CCDC138: variants seen among roughly 807,000 people sequenced by gnomAD.
CCDC138 encodes coiled-coil domain containing 138, also known as coiled-coil domain-containing protein 138.
CCDC138 carries 66 observed loss-of-function variants against 82.3 expected under a neutral mutation model. That is an observed-to-expected ratio of 0.80 (90% CI 0.66 to 0.98). The LOEUF (loss-of-function observed/expected upper bound fraction) is 0.98. Ranked by LOEUF, CCDC138 falls within the 50% of genes least tolerant of loss-of-function variation. The probability of loss-of-function intolerance (pLI) is 0.00; values close to 1 mark genes in which losing one functional copy is unlikely to be tolerated. For synonymous variants in CCDC138, 297 were observed against 265.4 expected (o/e 1.12, Z -1.16); for missense variants, 816 against 758.9 (o/e 1.08, Z -0.88).
chr2:108,855,426 G>A (rs1692416234), intron 12 of CCDC138, among the ~76,000 whole-genome samples: 1 of 151,040 alleles, frequency 6.6e-6, no homozygotes, highest in Admixed American at 6.6e-5. Context: ...TAAAACTTTT[G>A]TTCCTATAAA....
chr2:108,797,543 G>GT (rs1681110151), intron 5 of CCDC138, among the ~76,000 whole-genome samples: 1 of 152,096 alleles, frequency 6.6e-6, no homozygotes, highest in Non-Finnish European at 1.5e-5. Flanking sequence ...AGGTGAGTGG[G>GT]TGGGGCCAAG....
chr2:108,804,774 A>T (rs1682552050), intron 6 of CCDC138, 115 bp from the exon 7 acceptor site: 6 of 992,168 alleles, frequency 6.0e-6, no homozygotes, highest in Non-Finnish European at 6.9e-6. Flanking sequence ...GCATACACTG[A>T]TTAAAGTTTT....
intron 12 of CCDC138, among the ~76,000 whole-genome samples, chr2:108,856,264 G>GAA (rs1692583242): frequency 6.7e-6 from 1 of 150,226 alleles, no homozygotes; most frequent in Admixed American, 6.7e-5. Flanking sequence ...GATGTATCAT[G>GAA]AAAACTGACA....
chr2:108,800,481 TCTTGAATTC>T (rs952552621), intron 6 of CCDC138, among the ~76,000 whole-genome samples: 2 of 152,074 alleles, frequency 1.3e-5, no homozygotes, highest in Non-Finnish European at 2.9e-5. Flanking sequence ...GTCAGGCTGG[TCTTGAATTC>T]CTGACCTCAA....
At chr2:108,813,791 G>A (rs1026640440) in intron 9 of CCDC138, among the ~76,000 whole-genome samples, 2 of 151,990 alleles carry the variant, frequency 1.3e-5, no homozygotes, top group Non-Finnish European at 2.9e-5. Context: ...CCCTTTCCTG[G>A]TCATTCTTTT....
chr2:108,787,006 G>A, intron 1 of CCDC138, 91 bp downstream of exon 1: 1 of 851,666 alleles, frequency 1.2e-6, no homozygotes, highest in East Asian at 3.6e-5. Context: ...GGGGCGCGCA[G>A]CGGCTCTGGT....
chr2:108,858,189 T>C (rs1198425350), intron 13 of CCDC138, among the ~76,000 whole-genome samples: 1 of 152,072 alleles, frequency 6.6e-6, no homozygotes, highest in Non-Finnish European at 1.5e-5. Context: ...ACTAAAAATA[T>C]AAAAATTAGC....
intron 10 of CCDC138, among the ~76,000 whole-genome samples, chr2:108,821,818 G>A (rs1204806301): frequency 6.6e-6 from 1 of 151,368 alleles, no homozygotes; most frequent in African/African-American, 2.4e-5. Flanking sequence ...AGTGGTGGGT[G>A]CCTATAATCC....
chr2:108,815,552 C>T (rs1298807469), intron 9 of CCDC138, among the ~76,000 whole-genome samples: 1 of 149,262 alleles, frequency 6.7e-6, no homozygotes, highest in East Asian at 2.0e-4. Flanking sequence ...CTGCAGCCTC[C>T]ACCTCCTGGT....
intron 11 of CCDC138, 62 bp from the exon 12 acceptor site, chr2:108,846,676 C>A (rs78671336): frequency 1.4e-6 from 2 of 1,417,368 alleles, no homozygotes; most frequent in Non-Finnish European, 1.9e-6. Flanking sequence ...GACTGTGTCT[C>A]AAAAAAAAAG....
intron 3 of CCDC138, among the ~76,000 whole-genome samples, chr2:108,791,155 C>T (rs1166318586): frequency 2.6e-5 from 4 of 151,852 alleles, no homozygotes; most frequent in Non-Finnish European, 4.4e-5. Context: ...ATTTTTTTAA[C>T]GTGCTACTAG....
At chr2:108,867,786 TTGAATG>T (rs1479249124) in intron 13 of CCDC138, among the ~76,000 whole-genome samples, 2 of 152,356 alleles carry the variant, frequency 1.3e-5, no homozygotes, top group Middle Eastern at 6.8e-3. Context: ...TTGGTTGGTA[TTGAATG>T]TTGCTGTGTT....
chr2:108,796,301 G>A (rs1005080332), intron 5 of CCDC138, among the ~76,000 whole-genome samples: 2 of 151,852 alleles, frequency 1.3e-5, no homozygotes, highest in African/African-American at 2.4e-5. Context: ...TGATCCGCCC[G>A]CCTCTGCCTC....
At chr2:108,848,474 G>A (rs1690873174) in intron 12 of CCDC138, among the ~76,000 whole-genome samples, 1 of 152,114 alleles carries the variant, frequency 6.6e-6, no homozygotes. Context: ...AATAATGGAT[G>A]GATGAATAGG....
chr2:108,844,478 T>G (rs934032293), intron 11 of CCDC138, among the ~76,000 whole-genome samples: 7 of 152,222 alleles, frequency 4.6e-5, no homozygotes, highest in African/African-American at 1.7e-4. Context: ...GTGTTCCTTT[T>G]GTCATGGCTA....
At position 108,806,607 on chromosome 2, in the gene CCDC138, G is replaced by A. The variant is rs542383647; in HGVS notation, c.855+1599G>A. ...TGACCCAGCTCTGCCATCGTAATGC[G>A]AAAACAGCCATAGGCAATAAGTAAC... On this transcript the variant is annotated intron_variant, in intron 7 of 14. Coordinates refer to ENST00000295124, the MANE Select transcript of CCDC138 (RefSeq NM_144978.3). Among the ~76,000 whole-genome samples, 5 of 152,194 alleles carry A rather than the reference G, an allele frequency of 3.3e-5. No homozygotes were observed. The East Asian group carries it at 5.8e-4, about 18-fold the overall frequency.
intron 10 of CCDC138, among the ~76,000 whole-genome samples, chr2:108,821,928 C>CAAAA (rs61088256): frequency 7.6e-6 from 1 of 130,854 alleles, no homozygotes; most frequent in East Asian, 2.2e-4. Context: ...AACTTTGTCT[C>CAAAA]AAAAAAAAAA....
downstream of CCDC138, among the ~76,000 whole-genome samples, chr2:108,876,763 T>G (rs1464494173): frequency 6.6e-6 from 1 of 152,190 alleles, no homozygotes; most frequent in Admixed American, 6.5e-5. Flanking sequence ...AGTTTTTTAT[T>G]ATGCTGTTCA....
chr2:108,877,511 G>T (rs1162080154), downstream of CCDC138, among the ~76,000 whole-genome samples: 2 of 151,862 alleles, frequency 1.3e-5, no homozygotes, highest in Non-Finnish European at 2.9e-5. Context: ...AGAAGCCAAA[G>T]TGCACATTAG....
Sources: allele counts gnomAD v4.1 joint callset (sites outside exome capture counted in the v4.1 genomes callset), GRCh38; gene constraint gnomAD v4.1.1; transcripts MANE v1.5; gene names NCBI Gene and HGNC (gene_info 2026-07-23, HGNC 2026-07-21).